The following NEGR1 variants were observed in gnomAD, a reference collection of about 807,000 sequenced individuals.
The protein encoded by NEGR1 is neuronal growth regulator 1, also known as IgLON family member 4.
Under a neutral mutation model 40.9 loss-of-function variants are expected in NEGR1, and 10 were observed. That is an observed-to-expected ratio of 0.24 (90% CI 0.15 to 0.42). NEGR1 has a LOEUF of 0.42. Ranked by LOEUF, NEGR1 falls within the 10% of genes least tolerant of loss-of-function variation. The pLI is 1.00. For missense variants in NEGR1, 352 were observed against 438.9 expected, an observed-to-expected ratio of 0.80 and a Z score of 1.77; for synonymous variants, 185 against 166.8, an observed-to-expected ratio of 1.11 and a Z score of -0.84.
intron 6 of NEGR1, among the ~76,000 whole-genome samples, chr1:71,457,266 A>G (rs945464888): frequency 6.6e-6 from 1 of 152,170 alleles, no homozygotes; most frequent in Non-Finnish European, 1.5e-5. Context: ...GTACCACTTC[A>G]TCTTGTCAAT....
At chr1:71,435,070 G>A (rs1300553305) in intron 6 of NEGR1, among the ~76,000 whole-genome samples, 1 of 151,122 alleles carries the variant, frequency 6.6e-6, no homozygotes, top group Non-Finnish European at 1.5e-5. Flanking sequence ...CAGCCTGGGC[G>A]ACAGAGCCAG....
At chr1:71,429,123 T>A (rs954763889) in intron 6 of NEGR1, among the ~76,000 whole-genome samples, 16 of 152,302 alleles carry the variant, frequency 1.1e-4, no homozygotes, top group Admixed American at 4.6e-4. Context: ...AGAGTTTTTT[T>A]TAATTTTTTT....
intron 1 of NEGR1, among the ~76,000 whole-genome samples, chr1:72,025,520 G>A (rs991058717): frequency 2.0e-5 from 3 of 152,102 alleles, no homozygotes; most frequent in Admixed American, 6.6e-5. Context: ...ATAGTGCCTG[G>A]AAATCAAGGG....
At chr1:72,252,097 G>A (rs1372557484) in intron 1 of NEGR1, among the ~76,000 whole-genome samples, 1 of 149,202 alleles carries the variant, frequency 6.7e-6, no homozygotes, top group Non-Finnish European at 1.5e-5. Flanking sequence ...GAAAATGTAT[G>A]CAACCTAACT....
chr1:72,145,158 A>C (rs1443110319), intron 1 of NEGR1, among the ~76,000 whole-genome samples: 1 of 152,086 alleles, frequency 6.6e-6, no homozygotes, highest in Non-Finnish European at 1.5e-5. Context: ...AAAAAAATTC[A>C]GTGAAATTAC....
At chr1:72,222,342 C>G (rs1654040554) in intron 1 of NEGR1, among the ~76,000 whole-genome samples, 1 of 152,140 alleles carries the variant, frequency 6.6e-6, no homozygotes, top group Non-Finnish European at 1.5e-5. Flanking sequence ...ACCACATTAG[C>G]CAGCCTACTC....
chr1:72,159,403 A>G (rs1343691841), intron 1 of NEGR1, among the ~76,000 whole-genome samples: 1 of 152,154 alleles, frequency 6.6e-6, no homozygotes, highest in Non-Finnish European at 1.5e-5. Flanking sequence ...GAACATAGGT[A>G]CAACATTGGA....
At chr1:71,937,627 C>T (rs978579310) in intron 1 of NEGR1, among the ~76,000 whole-genome samples, 5 of 152,192 alleles carry the variant, frequency 3.3e-5, no homozygotes, top group African/African-American at 9.7e-5. Flanking sequence ...CAAGTCTTCT[C>T]TTTCCACATT....
chr1:71,977,307 T>C (rs1204001791), intron 1 of NEGR1, among the ~76,000 whole-genome samples: 2 of 149,520 alleles, frequency 1.3e-5, no homozygotes, highest in East Asian at 4.0e-4. Flanking sequence ...GCCTGGACGA[T>C]AGAGCAAGAC....
At chr1:71,691,089 A>G (rs1045047295) in intron 4 of NEGR1, among the ~76,000 whole-genome samples, 1 of 151,936 alleles carries the variant, frequency 6.6e-6, no homozygotes, top group Non-Finnish European at 1.5e-5. Flanking sequence ...GGGAGAATAC[A>G]CTTCAGTTAA....
Position 71,609,928 on chromosome 1 carries a change from C to T in NEGR1, c.788+1098G>A, listed in dbSNP as rs182032122. Among the ~76,000 whole-genome samples the T allele has an allele frequency of 5.9e-3, 899 of 152,294 alleles. 15 individuals carry two copies. The highest frequency in any genetic ancestry group is 0.021 in the African/African-American group (873 of 41,560). On this transcript the variant is annotated intron_variant, in intron 5 of 6. Coordinates refer to ENST00000357731, the MANE Select transcript of NEGR1 (RefSeq NM_173808.3). The stretch of plus-strand genomic sequence containing the variant: ...CTGTTCTCGTGATAGTGAGTGAGTT[C>T]TCACAAGATCTGATGGTTTTATAAG...
intron 6 of NEGR1, among the ~76,000 whole-genome samples, chr1:71,547,321 T>C (rs963927257): frequency 2.6e-5 from 4 of 151,732 alleles, no homozygotes; most frequent in Admixed American, 2.0e-4. Flanking sequence ...ACAGAGACAA[T>C]AGACTGGGAA....
chr1:71,651,536 A>T (rs1570152898), intron 4 of NEGR1, among the ~76,000 whole-genome samples: 1 of 152,118 alleles, frequency 6.6e-6, no homozygotes, highest in East Asian at 1.9e-4. Flanking sequence ...CCTTTGTTTT[A>T]TCTTTAATAT....
chr1:71,683,868 A>T (rs1313462342), intron 4 of NEGR1, among the ~76,000 whole-genome samples: 1 of 150,830 alleles, frequency 6.6e-6, no homozygotes. Context: ...AGAAATTATG[A>T]CTCTTACAAT....
chr1:72,091,488 G>A (rs940746976), intron 1 of NEGR1, among the ~76,000 whole-genome samples: 1 of 144,082 alleles, frequency 6.9e-6, no homozygotes, highest in African/African-American at 2.6e-5. Context: ...CCCGTTGTAT[G>A]AGACTATGAG....
At chr1:71,535,905 T>C (rs113437833) in intron 6 of NEGR1, among the ~76,000 whole-genome samples, 24 of 151,862 alleles carry the variant, frequency 1.6e-4, no homozygotes, top group African/African-American at 5.8e-4. Context: ...ATTTATCTAA[T>C]TTGGATAACA....
chr1:71,708,190 T>C (rs894731034), intron 3 of NEGR1, among the ~76,000 whole-genome samples: 3 of 150,830 alleles, frequency 2.0e-5, no homozygotes, highest in African/African-American at 4.9e-5. Context: ...CCAGGAGAAA[T>C]AGAGATATGT....
intron 1 of NEGR1, among the ~76,000 whole-genome samples, chr1:72,214,993 C>T (rs1442569141): frequency 6.6e-6 from 1 of 152,078 alleles, no homozygotes; most frequent in African/African-American, 2.4e-5. Flanking sequence ...ACCAAAACAG[C>T]ATGGTACTCG....
intron 3 of NEGR1, among the ~76,000 whole-genome samples, chr1:71,727,787 G>A (rs1272154151): frequency 6.6e-6 from 1 of 152,106 alleles, no homozygotes; most frequent in African/African-American, 2.4e-5. Flanking sequence ...AGGCAAAAGC[G>A]ATCTTATTCC....
Sources: allele counts gnomAD v4.1 joint callset (sites outside exome capture counted in the v4.1 genomes callset), GRCh38; gene constraint gnomAD v4.1.1; transcripts MANE v1.5; gene names NCBI Gene and HGNC (gene_info 2026-07-23, HGNC 2026-07-21).